WIPF2: variants seen among roughly 807,000 people sequenced by gnomAD.
WIPF2 encodes the protein WAS/WASL-interacting protein family member 2.
A neutral mutation model predicts 38.8 loss-of-function variants in WIPF2; 23 were observed. That is an observed-to-expected ratio of 0.59 (90% CI 0.43 to 0.84). The LOEUF (loss-of-function observed/expected upper bound fraction) is 0.84, where lower values mean the gene tolerates loss of function less well. Among genes scored for constraint, WIPF2 ranks in the 40% least tolerant of loss-of-function variants. The pLI, the probability that WIPF2 is intolerant of heterozygous loss-of-function variation, is 0.00. For synonymous variants in WIPF2, 210 were observed against 223.2 expected (o/e 0.94, Z 0.53); for missense variants, 574 against 580.5 (o/e 0.99, Z 0.11).
Position 40,282,469 on chromosome 17 carries a change from G to T in WIPF2, c.*4244G>T, listed in dbSNP as rs1227032788. On this transcript the variant is annotated 3_prime_UTR_variant, in exon 8 of 8. Coordinates refer to ENST00000323571, the MANE Select transcript of WIPF2 (RefSeq NM_133264.5). ...CGTGTGCGTGCGCACGCGTGTGCGT[G>T]TGTGTGTTCATCTGTCTGCATGTGG... 1 of 146,200 alleles carries T rather than the reference G, an allele frequency of 6.8e-6. No homozygotes were observed. Among genetic ancestry groups the T allele is most frequent in the East Asian group, 1.9e-4 (1 of 5,190 alleles). The allele number at this position is 146,200 out of a possible 1,614,324, so 9.1% of individuals were successfully genotyped here.
intron 1 of WIPF2, among the ~76,000 whole-genome samples, chr17:40,249,452 GT>G (rs201564200): frequency 1.2e-3 from 175 of 144,866 alleles, no homozygotes; most frequent in Middle Eastern, 3.6e-3. Flanking sequence ...GAAGGAAGCA[GT>G]TTTTTTTTTT....
chr17:40,237,915 A>G (rs2145310256), intron 1 of WIPF2, among the ~76,000 whole-genome samples: 1 of 150,664 alleles, frequency 6.6e-6, no homozygotes, highest in African/African-American at 2.4e-5. Flanking sequence ...AAAAAAAAAA[A>G]ATTAGCCAGG....
intron 2 of WIPF2, among the ~76,000 whole-genome samples, chr17:40,260,315 G>A (rs562429068): frequency 6.6e-6 from 1 of 150,698 alleles, no homozygotes; most frequent in Admixed American, 6.7e-5. Flanking sequence ...AGCCTCCTGA[G>A]TAGCTGGGAT....
chr17:40,224,406 A>ATTTT (rs67838907), intron 1 of WIPF2, among the ~76,000 whole-genome samples: 205 of 88,884 alleles, frequency 2.3e-3, no homozygotes, highest in Middle Eastern at 7.1e-3. Context: ...GATTTTTTGT[A>ATTTT]TTTTTTTTTT....
In WIPF2 at chr17:40,265,094, A is replaced by G; in HGVS notation, c.918A>G (p.Leu306=). The G allele has an allele frequency of 6.2e-7, 1 of 1,613,444 alleles. No homozygotes were observed. Among genetic ancestry groups the G allele is most frequent in the South Asian group, 1.1e-5 (1 of 91,034 alleles). Residue 306 remains leucine (L), a synonymous_variant, in exon 5 of 8, where the codon TTA becomes TTG. Transcript: ENST00000323571. ...CACCCACCTCGGCCTCCCCATCTTT[A>G]CTGAGTAATAGGCCACCTCCCCCAG... is the stretch of plus-strand genomic sequence containing the variant. ...PPPPTSASPS[L]LSNRPPPPAR...
At position 40,278,223 on chromosome 17, in the gene WIPF2, T is replaced by C; in HGVS notation, c.1321T>C (p.Ter441ArgextTer29). Reference protein sequence around the residue: ...GAPPLPPILR* With the variant: ...GAPPLPPILRR ...CCCACCTCTGCCACCCATTCTCAGG[T>C]GAAGCCTGGCTTGGTCCCGTTCCTC... is the stretch of plus-strand genomic sequence containing the variant. Residue 441 changes from the stop codon to arginine (R), a stop_lost, in exon 8 of 8, where the codon TGA becomes CGA. Coordinates refer to ENST00000323571, the MANE Select transcript of WIPF2 (RefSeq NM_133264.5). The C allele has an allele frequency of 6.2e-7, 1 of 1,613,862 alleles. No individual in the cohort carries two copies. The highest frequency in any genetic ancestry group is 8.5e-7 in the Non-Finnish European group (1 of 1,179,908).
intron 6 of WIPF2, among the ~76,000 whole-genome samples, chr17:40,274,925 C>A: frequency 8.1e-6 from 1 of 124,066 alleles, no homozygotes; most frequent in East Asian, 2.3e-4. Flanking sequence ...GAGAGAGAAT[C>A]TGTCTCAAAA....
chr17:40,258,313 C>T (rs1375081329), intron 2 of WIPF2, among the ~76,000 whole-genome samples: 4 of 151,596 alleles, frequency 2.6e-5, no homozygotes, highest in East Asian at 3.9e-4. Flanking sequence ...GCAGGTGAAT[C>T]GCTTGAACCC....
At chr17:40,260,972 C>A in intron 3 of WIPF2, 2 of 370,078 alleles carry the variant, frequency 5.4e-6, no homozygotes, top group Non-Finnish European at 1.0e-5. Context: ...GAGCTGTGAT[C>A]ATGTCACTGC....
In WIPF2 at chr17:40,267,708, T is replaced by G. The variant is rs1318131309; in HGVS notation, c.970+2562T>G. Among the ~76,000 whole-genome samples, 3 of 152,162 alleles carry G rather than the reference T, an allele frequency of 2.0e-5. No individual in the cohort carries two copies. The East Asian group carries it at 5.8e-4, about 29-fold the overall frequency. On this transcript the variant is annotated intron_variant, in intron 5 of 7. Transcript: ENST00000323571. ...GCATGTGCCACCATATCTGGCTAAT[T>G]TTTGTATTTTTAGTAGAAACGGGTT...
intron 1 of WIPF2, among the ~76,000 whole-genome samples, chr17:40,221,009 C>A (rs574496749): frequency 6.6e-6 from 1 of 151,842 alleles, no homozygotes; most frequent in Admixed American, 6.6e-5. Flanking sequence ...GTCTGGATCT[C>A]CTGACCTCGT....
At chr17:40,240,086 G>A (rs553672876) in intron 1 of WIPF2, among the ~76,000 whole-genome samples, 14 of 151,350 alleles carry the variant, frequency 9.3e-5, no homozygotes, top group African/African-American at 3.2e-4. Context: ...TTTTAAGATG[G>A]AGTCTTGCTC....
At chr17:40,232,165 A>T (rs1598468629) in intron 1 of WIPF2, among the ~76,000 whole-genome samples, 1 of 126,426 alleles carries the variant, frequency 7.9e-6, no homozygotes, top group African/African-American at 2.9e-5. Context: ...GGCACATGCC[A>T]CCATGCCTGG....
intron 1 of WIPF2, among the ~76,000 whole-genome samples, chr17:40,224,189 G>A (rs1467343782): frequency 6.6e-6 from 1 of 150,490 alleles, no homozygotes; most frequent in Non-Finnish European, 1.5e-5. Context: ...CTCCTGGGCG[G>A]ACTTTTGGTA....
In WIPF2 at chr17:40,279,799, G is replaced by A. The variant is rs979932394; in HGVS notation, c.*1574G>A. 2.5e-4 allele frequency: 37 copies of A among 146,412 alleles called. No homozygotes were observed. The highest frequency in any genetic ancestry group is 9.6e-4 in the African/African-American group (37 of 38,704). The allele number at this position is 146,412 out of a possible 1,614,324, so 9.1% of individuals were successfully genotyped here. On this transcript the variant is annotated 3_prime_UTR_variant, in exon 8 of 8. Coordinates refer to ENST00000323571, the MANE Select transcript of WIPF2 (RefSeq NM_133264.5). Reference sequence around the variant, plus strand: ...AAAATTAGCTTAAAAATTTAATCACGAGATTGCGCCACTGCACTCCAGCCT... The same window carrying A: ...AAAATTAGCTTAAAAATTTAATCACAAGATTGCGCCACTGCACTCCAGCCT...
chr17:40,219,380 C>CGGCGGT lies in WIPF2; in HGVS notation c.-177_-176insTGGCGG. On this transcript the variant is annotated 5_prime_UTR_variant, in exon 1 of 8. Transcript: ENST00000323571. ...GCAAAAGGGGCGGTGGCGGCGGCGG[C>CGGCGGT]GGCGGCGGCGGCGGCGGCGACGGCG... 2 of 404,110 alleles carry CGGCGGT rather than the reference C, an allele frequency of 4.9e-6. No homozygotes were observed. The highest frequency in any genetic ancestry group is 2.3e-5 in the South Asian group (1 of 44,400). The allele number at this position is 404,110 out of a possible 1,614,324, so 25.0% of individuals were successfully genotyped here.
chr17:40,278,481 A>T lies in WIPF2; in HGVS notation c.*256A>T, dbSNP rs2032476028. ...TCCTCCAGCAAGCCCTGCTAGCCAC[A>T]TGAGGAACAAGTTTCCGTGTCTTCT... On this transcript the variant is annotated 3_prime_UTR_variant, in exon 8 of 8. Coordinates refer to ENST00000323571, the MANE Select transcript of WIPF2 (RefSeq NM_133264.5). 1 of 496,070 alleles carries T rather than the reference A, an allele frequency of 2.0e-6. No individual in the cohort carries two copies. The highest frequency in any genetic ancestry group is 3.0e-5 in the South Asian group (1 of 33,140). 30.7% of individuals were successfully genotyped at this position (496,070 alleles called of 1,614,324 possible). A position where few individuals can be genotyped will look rare whatever the true frequency, so the allele number is the denominator to read the frequency against.
intron 1 of WIPF2, among the ~76,000 whole-genome samples, chr17:40,223,119 A>C (rs2030323212): frequency 1.3e-5 from 2 of 152,000 alleles, no homozygotes; most frequent in African/African-American, 2.4e-5. Context: ...GAAGACTAGT[A>C]GAATGTAGTG....
chr17:40,273,710 T>C (rs919666025), intron 5 of WIPF2, 80 bp from the exon 6 acceptor site: 2 of 901,504 alleles, frequency 2.2e-6, no homozygotes, highest in Non-Finnish European at 1.8e-6. Context: ...TGTGTTACTC[T>C]TTTAGCTCAT....
Sources: allele counts gnomAD v4.1 joint callset (sites outside exome capture counted in the v4.1 genomes callset), GRCh38; gene constraint gnomAD v4.1.1; transcripts MANE v1.5; gene names NCBI Gene and HGNC (gene_info 2026-07-23, HGNC 2026-07-21).